The following TENM3 variants were observed in gnomAD, a reference collection of about 807,000 sequenced individuals.
The protein encoded by TENM3 is teneurin-3.
A neutral mutation model predicts 255.1 loss-of-function variants in TENM3; 63 were observed. The observed-to-expected ratio is 0.25, with a 90% confidence interval of 0.20 to 0.30. The LOEUF is 0.30. Among genes scored for constraint, TENM3 ranks in the 10% least tolerant of loss-of-function variants. The pLI is 1.00. For synonymous variants in TENM3, 1,306 were observed against 1,322.3 expected (o/e 0.99, Z 0.27); for missense variants, 2,929 against 3,461.1 (o/e 0.85, Z 3.86).
intron 5 of TENM3, among the ~76,000 whole-genome samples, chr4:182,642,391 G>GCCGCAT (rs1752393361): frequency 6.6e-6 from 1 of 152,212 alleles, no homozygotes; most frequent in Non-Finnish European, 1.5e-5. Context: ...CATTTCCTGA[G>GCCGCAT]CCGCATCCAT....
At chr4:181,810,090 C>G in the TENM3 span, among the ~76,000 whole-genome samples, 5 of 151,984 alleles carry the variant, frequency 3.3e-5, no homozygotes, top group Non-Finnish European at 7.4e-5. Flanking sequence ...AAATCATCTT[C>G]TCTCAGGGAA....
intron 24 of TENM3, among the ~76,000 whole-genome samples, chr4:182,780,069 A>G (rs1333403111): frequency 6.6e-6 from 1 of 151,392 alleles, no homozygotes; most frequent in African/African-American, 2.4e-5. Flanking sequence ...ATTAGATCCC[A>G]TTTGTCAATT....
the TENM3 span, among the ~76,000 whole-genome samples, chr4:181,725,726 A>C: frequency 6.6e-6 from 1 of 151,938 alleles, no homozygotes; most frequent in African/African-American, 2.4e-5. Context: ...ACAGGCGTGA[A>C]CCACCGCACC....
chr4:182,063,002 C>G, the TENM3 span, among the ~76,000 whole-genome samples: 1 of 152,116 alleles, frequency 6.6e-6, no homozygotes, highest in Non-Finnish European at 1.5e-5. Context: ...TGCTTTTGTA[C>G]TTAAAGAAGC....
chr4:181,849,957 A>ATGT, the TENM3 span, among the ~76,000 whole-genome samples: 2 of 83,102 alleles, frequency 2.4e-5, no homozygotes, highest in African/African-American at 8.4e-5. Context: ...TCTCACACAC[A>ATGT]CACACACACA....
At chr4:181,791,174 G>A in the TENM3 span, among the ~76,000 whole-genome samples, 3 of 152,176 alleles carry the variant, frequency 2.0e-5, no homozygotes, top group African/African-American at 7.2e-5. Flanking sequence ...ACCAGGCGAT[G>A]TCTTCACGAT....
the TENM3 span, among the ~76,000 whole-genome samples, chr4:181,500,063 T>C: frequency 2.0e-5 from 3 of 152,136 alleles, no homozygotes; most frequent in African/African-American, 7.2e-5. Flanking sequence ...AGTTTCACTC[T>C]TGTTGCCCAG....
chr4:181,456,205 A>G, the TENM3 span, among the ~76,000 whole-genome samples: 19,962 of 150,104 alleles, frequency 0.13, 1,509 homozygotes, highest in East Asian at 0.28. Flanking sequence ...GTATATATAT[A>G]TGTGTATATA....
intron 1 of TENM3, among the ~76,000 whole-genome samples, chr4:182,256,248 T>C (rs111352171): frequency 6.6e-6 from 1 of 152,206 alleles, no homozygotes; most frequent in Non-Finnish European, 1.5e-5. Context: ...TAAAGAAGAA[T>C]AGATGAAATT....
At chr4:181,488,642 A>C in the TENM3 span, among the ~76,000 whole-genome samples, 1 of 152,126 alleles carries the variant, frequency 6.6e-6, no homozygotes, top group African/African-American at 2.4e-5. Context: ...GACCATCTTA[A>C]ATAATAGAAT....
At chr4:182,622,490 C>T (rs1158176893) in intron 4 of TENM3, among the ~76,000 whole-genome samples, 1 of 152,234 alleles carries the variant, frequency 6.6e-6, no homozygotes, top group African/African-American at 2.4e-5. Context: ...CTTACTGTCT[C>T]TCACGTAGTA....
intron 3 of TENM3, among the ~76,000 whole-genome samples, chr4:182,476,178 T>C (rs540160382): frequency 6.6e-6 from 1 of 152,324 alleles, no homozygotes; most frequent in Admixed American, 6.5e-5. Flanking sequence ...TCCCCAGAGA[T>C]TTTTAGTGGC....
At chr4:181,562,867 G>C in the TENM3 span, among the ~76,000 whole-genome samples, 1 of 152,040 alleles carries the variant, frequency 6.6e-6, no homozygotes, top group African/African-American at 2.4e-5. Flanking sequence ...TATAGGCGGG[G>C]TTTCACCATG....
rs111605575 is a variant in TENM3, at chr4:182,496,390, GA to G, written c.512-104524del. Among the ~76,000 whole-genome samples, 185 of 149,216 alleles carry G rather than the reference GA, an allele frequency of 1.2e-3. 1 individual carries two copies. The highest frequency in any genetic ancestry group is 3.5e-3 in the African/African-American group (144 of 40,620). ...CTTTAAGCATACATTTTCCTGAGAG[GA>G]AAAAAAAAATGCCTTTAGACATCAA... is the stretch of plus-strand genomic sequence containing the variant. On this transcript the variant is annotated intron_variant, in intron 3 of 27. Coordinates refer to ENST00000511685, the MANE Select transcript of TENM3 (RefSeq NM_001080477.4).
chr4:182,483,135 A>G (rs895206745), intron 3 of TENM3, among the ~76,000 whole-genome samples: 4 of 152,192 alleles, frequency 2.6e-5, no homozygotes, highest in Non-Finnish European at 5.9e-5. Flanking sequence ...TGCATGTTTC[A>G]TATGCGTTGC....
At chr4:181,855,147 G>A in the TENM3 span, among the ~76,000 whole-genome samples, 3 of 152,154 alleles carry the variant, frequency 2.0e-5, no homozygotes, top group Non-Finnish European at 4.4e-5. Context: ...TCACATAAAT[G>A]GGCCAGTGGA....
At chr4:181,663,163 C>T in the TENM3 span, among the ~76,000 whole-genome samples, 5,509 of 152,218 alleles carry the variant, frequency 0.036, 310 homozygotes, top group African/African-American at 0.12. Flanking sequence ...CCTAGTTCAA[C>T]AAGGGGTCTG....
At chr4:182,595,160 T>G (rs994164568) in intron 3 of TENM3, among the ~76,000 whole-genome samples, 2 of 152,196 alleles carry the variant, frequency 1.3e-5, no homozygotes, top group African/African-American at 4.8e-5. Flanking sequence ...ATATGCCATA[T>G]TCATTGTCAT....
At chr4:181,762,622 G>A in the TENM3 span, among the ~76,000 whole-genome samples, 1 of 152,162 alleles carries the variant, frequency 6.6e-6, no homozygotes, top group Non-Finnish European at 1.5e-5. Context: ...CAACTCTTGG[G>A]TGAGAAGCAG....
Sources: allele counts gnomAD v4.1 joint callset (sites outside exome capture counted in the v4.1 genomes callset), GRCh38; gene constraint gnomAD v4.1.1; transcripts MANE v1.5; gene names NCBI Gene and HGNC (gene_info 2026-07-23, HGNC 2026-07-21).